Variants in RSU1 observed in about 807,000 individuals in gnomAD.
RSU1 encodes the protein rsu-1.
Under a neutral mutation model 31.1 loss-of-function variants are expected in RSU1, and 26 were observed. That is an observed-to-expected ratio of 0.84 (90% CI 0.61 to 1.16). The LOEUF is 1.16. Ranked by LOEUF, RSU1 falls within the 50% of genes most tolerant of loss-of-function variation. The pLI, the probability that RSU1 is intolerant of heterozygous loss-of-function variation, is 0.00. For missense variants in RSU1, 320 were observed against 339.1 expected (o/e 0.94, Z 0.44); for synonymous variants, 164 against 136.3 (o/e 1.20, Z -1.41).
intron 7 of RSU1, among the ~76,000 whole-genome samples, chr10:16,705,075 T>C (rs1158159216): frequency 6.6e-6 from 1 of 152,226 alleles, no homozygotes; most frequent in African/African-American, 2.4e-5. Context: ...CGCTTATCTC[T>C]GTGATTTTGA....
intron 7 of RSU1, among the ~76,000 whole-genome samples, chr10:16,697,318 T>C (rs1295077007): frequency 2.0e-5 from 3 of 152,140 alleles, no homozygotes; most frequent in African/African-American, 4.8e-5. Context: ...GACATCAGCA[T>C]GAATCAACTA....
intron 4 of RSU1, among the ~76,000 whole-genome samples, chr10:16,757,809 C>G (rs1183197550): frequency 1.3e-5 from 2 of 152,254 alleles, no homozygotes; most frequent in African/African-American, 4.8e-5. Context: ...GAAGACCACA[C>G]TAGGTGCTTC....
chr10:16,626,251 A>T (rs368623723), intron 8 of RSU1, among the ~76,000 whole-genome samples: 1 of 151,948 alleles, frequency 6.6e-6, no homozygotes, highest in African/African-American at 2.4e-5. Flanking sequence ...GGGTCTCCCT[A>T]TGTTGTCTGG....
At chr10:16,720,473 A>AACAACATG (rs1363396071) in intron 7 of RSU1, among the ~76,000 whole-genome samples, 1 of 152,232 alleles carries the variant, frequency 6.6e-6, no homozygotes, top group African/African-American at 2.4e-5. Context: ...TACAGCAAAA[A>AACAACATG]ACAACATGTA....
At chr10:16,808,944 A>C (rs1281721634) in intron 2 of RSU1, among the ~76,000 whole-genome samples, 1 of 152,198 alleles carries the variant, frequency 6.6e-6, no homozygotes. Flanking sequence ...GCCACCTGCA[A>C]GCCCAGGAGA....
At chr10:16,633,370 T>G (rs898059238) in intron 8 of RSU1, among the ~76,000 whole-genome samples, 1 of 152,010 alleles carries the variant, frequency 6.6e-6, no homozygotes, top group African/African-American at 2.4e-5. Flanking sequence ...TGATGGCCCC[T>G]GGGTAGGAAA....
At chr10:16,607,845 T>G (rs990836286) in intron 8 of RSU1, among the ~76,000 whole-genome samples, 7 of 152,168 alleles carry the variant, frequency 4.6e-5, no homozygotes, top group Admixed American at 4.6e-4. Flanking sequence ...CTGGTTAGAT[T>G]ATGGCATGAT....
chr10:16,770,749 A>G (rs1837408318), intron 3 of RSU1, among the ~76,000 whole-genome samples: 1 of 152,258 alleles, frequency 6.6e-6, no homozygotes, highest in South Asian at 2.1e-4. Flanking sequence ...GCAACTGCTC[A>G]CAGCCAGGGC....
intron 7 of RSU1, among the ~76,000 whole-genome samples, chr10:16,724,873 C>A (rs1836351725): frequency 6.6e-6 from 1 of 152,178 alleles, no homozygotes; most frequent in South Asian, 2.1e-4. Context: ...CTCTATGCAA[C>A]AATCGGGATC....
intron 2 of RSU1, among the ~76,000 whole-genome samples, chr10:16,811,451 T>G (rs1237985932): frequency 6.6e-6 from 1 of 152,154 alleles, no homozygotes; most frequent in African/African-American, 2.4e-5. Context: ...GCTCTTATTA[T>G]TCCCATTTTA....
chr10:16,710,066 G>T (rs1175395304), intron 7 of RSU1, among the ~76,000 whole-genome samples: 1 of 152,134 alleles, frequency 6.6e-6, no homozygotes, highest in Non-Finnish European at 1.5e-5. Flanking sequence ...TTGAACAGAA[G>T]TAGCAGAAGT....
rs1009700821 is a variant in RSU1, at chr10:16,720,872, A to G, written c.599-25717T>C. On this transcript the variant is annotated intron_variant, in intron 7 of 8. Transcript: ENST00000345264. ...ATGGTGGTGCACTCCTGTGGGCCCAACTGCTTGGGAGGCTGAGGTGGGAGG... is the reference window on the plus strand; with the variant it reads ...ATGGTGGTGCACTCCTGTGGGCCCAGCTGCTTGGGAGGCTGAGGTGGGAGG... Among the ~76,000 whole-genome samples the G allele has an allele frequency of 3.3e-5, 5 of 152,244 alleles. No individual in the cohort carries two copies. The East Asian group carries it at 9.6e-4, about 29-fold the overall frequency.
chr10:16,610,896 C>A (rs1313296549), intron 8 of RSU1, among the ~76,000 whole-genome samples: 3 of 152,090 alleles, frequency 2.0e-5, no homozygotes, highest in African/African-American at 4.8e-5. Flanking sequence ...TATCTAGAGT[C>A]CCGTTTACCT....
At chr10:16,737,233 A>G (rs997865003) in intron 7 of RSU1, among the ~76,000 whole-genome samples, 4 of 152,172 alleles carry the variant, frequency 2.6e-5, no homozygotes, top group Non-Finnish European at 5.9e-5. Context: ...AAAATGGCTG[A>G]AAATTTATCA....
Position 16,816,848 on chromosome 10 carries a change from T to A in RSU1, c.109+125A>T, listed in dbSNP as rs1838544639. On this transcript the variant is annotated intron_variant, in intron 2 of 8. Transcript: ENST00000345264. ...CCCTCTGCGCGAAGCCCCTGACAAG[T>A]GAGGTTTACAAGCAGGGGCTGGGGT... The A allele has an allele frequency of 1.0e-5, 7 of 674,088 alleles. No homozygotes were observed. The East Asian group carries it at 1.8e-4, about 18-fold the overall frequency. 41.8% of individuals were successfully genotyped at this position (674,088 alleles called of 1,614,324 possible). A position where few individuals can be genotyped will look rare whatever the true frequency, so the allele number is the denominator to read the frequency against.
intron 7 of RSU1, among the ~76,000 whole-genome samples, chr10:16,707,810 A>T (rs757846528): frequency 6.6e-6 from 1 of 152,008 alleles, no homozygotes; most frequent in Non-Finnish European, 1.5e-5. Flanking sequence ...TGCTGTGAAA[A>T]GTTTCCTCTC....
At chr10:16,708,785 G>C (rs1377661624) in intron 7 of RSU1, among the ~76,000 whole-genome samples, 3 of 151,532 alleles carry the variant, frequency 2.0e-5, no homozygotes, top group African/African-American at 7.3e-5. Flanking sequence ...TCAATATAGA[G>C]AGCTTTCAAT....
chr10:16,673,450 C>T (rs952366284), intron 8 of RSU1, among the ~76,000 whole-genome samples: 6 of 151,152 alleles, frequency 4.0e-5, no homozygotes, highest in Non-Finnish European at 1.5e-5. Flanking sequence ...CTCCTCAACA[C>T]TTAATTAACA....
intron 4 of RSU1, among the ~76,000 whole-genome samples, chr10:16,763,214 G>T (rs1403763483): frequency 6.6e-6 from 1 of 152,110 alleles, no homozygotes; most frequent in African/African-American, 2.4e-5. Context: ...GGGGTCTATG[G>T]ATCTATTTGT....
Sources: gnomAD v4.1 joint callset for allele counts (sites outside exome capture counted in the v4.1 genomes callset) on GRCh38, gnomAD v4.1.1 for gene constraint, MANE v1.5 for transcripts, NCBI Gene and HGNC (gene_info 2026-07-23, HGNC 2026-07-21) for gene names.